Variants in PDE10A observed in about 807,000 individuals in gnomAD.
The protein encoded by PDE10A is cAMP and cAMP-inhibited cGMP 3',5'-cyclic phosphodiesterase 10A.
PDE10A carries 39 observed loss-of-function variants against 97.7 expected under a neutral mutation model. The observed-to-expected ratio is 0.40, with a 90% CI of 0.31 to 0.52. The LOEUF (loss-of-function observed/expected upper bound fraction) is 0.52. PDE10A is among the 20% of genes least tolerant of loss of function. The probability of loss-of-function intolerance (pLI) is 0.56; values close to 1 mark genes in which losing one functional copy is unlikely to be tolerated. For missense variants in PDE10A, 731 were observed against 1,047.8 expected, an observed-to-expected ratio of 0.70 and a Z score of 4.17; for synonymous variants, 371 against 376.8, an observed-to-expected ratio of 0.98 and a Z score of 0.18.
intron 1 of PDE10A, among the ~76,000 whole-genome samples, chr6:165,872,888 T>G (rs1363443461): frequency 1.3e-5 from 2 of 152,178 alleles, no homozygotes; most frequent in Non-Finnish European, 2.9e-5. Context: ...ACATCCCCAG[T>G]GAAACCTGGA....
Position 165,859,322 on chromosome 6 carries a change from C to T in PDE10A, c.-615+128207G>A, listed in dbSNP as rs1780837696. Among the ~76,000 whole-genome samples the T allele has an allele frequency of 2.6e-5, 4 of 152,168 alleles. No homozygotes were observed. The South Asian group carries it at 6.2e-4, about 24-fold the overall frequency. ...AAAAGTTTTGGTAAAATATACATAA[C>T]ACAAATTTACCATGAAGTACATTCA... is the stretch of plus-strand genomic sequence containing the variant. On this transcript the variant is annotated intron_variant, in intron 1 of 19. Transcript: ENST00000366882.
chr6:165,469,801 G>A (rs1412301816), intron 3 of PDE10A, among the ~76,000 whole-genome samples: 1 of 152,144 alleles, frequency 6.6e-6, no homozygotes, highest in Non-Finnish European at 1.5e-5. Context: ...ATCCTGTGTT[G>A]ATGATCAACA....
intron 1 of PDE10A, among the ~76,000 whole-genome samples, chr6:165,676,397 C>G (rs547915268): frequency 6.6e-6 from 1 of 152,286 alleles, no homozygotes; most frequent in African/African-American, 2.4e-5. Context: ...ACATTTTCAA[C>G]AGTAAGAAAT....
At chr6:165,896,521 ATTTT>A (rs35509574) in intron 1 of PDE10A, among the ~76,000 whole-genome samples, 5 of 105,782 alleles carry the variant, frequency 4.7e-5, no homozygotes, top group African/African-American at 1.9e-4. Context: ...ACGCCAGCTA[ATTTT>A]TTTTTTTTTT....
At chr6:165,804,186 A>G (rs1779053500) in intron 1 of PDE10A, among the ~76,000 whole-genome samples, 1 of 152,182 alleles carries the variant, frequency 6.6e-6, no homozygotes, top group Admixed American at 6.5e-5. Flanking sequence ...CATCATGGAA[A>G]TAGGTGTATT....
At chr6:165,938,796 G>A (rs1394370043) in intron 1 of PDE10A, among the ~76,000 whole-genome samples, 1 of 151,966 alleles carries the variant, frequency 6.6e-6, no homozygotes, top group Non-Finnish European at 1.5e-5. Context: ...CATATAACCA[G>A]GTCGATGACC....
In PDE10A at chr6:165,592,354, G is replaced by A. The variant is rs558596771; in HGVS notation, c.866-48786C>T. On this transcript the variant is annotated intron_variant, in intron 1 of 21. Coordinates refer to ENST00000539869, the MANE Select transcript of PDE10A (RefSeq NM_001385079.1). The stretch of plus-strand genomic sequence containing the variant: ...ACCTAAAACCATACAAACCCTAGAA[G>A]AAAACCTAGGCAATACCATTCAGGA... 7.2e-5 allele frequency among the ~76,000 whole-genome samples: 11 copies of A among 152,230 alleles called. No homozygotes were observed. In the South Asian group the frequency reaches 1.9e-3, roughly 26 times the overall value.
At chr6:165,738,998 C>T (rs762041180) in intron 1 of PDE10A, among the ~76,000 whole-genome samples, 34 of 152,112 alleles carry the variant, frequency 2.2e-4, no homozygotes, top group African/African-American at 8.2e-4. Context: ...GGAGAGGATA[C>T]AAATAAATGG....
intron 1 of PDE10A, among the ~76,000 whole-genome samples, chr6:165,855,425 G>C (rs940331710): frequency 1.3e-5 from 2 of 151,708 alleles, no homozygotes; most frequent in Non-Finnish European, 2.9e-5. Context: ...CATGGCCGGG[G>C]CTGCAGGGTG....
chr6:165,514,562 T>C (rs1002543730), intron 2 of PDE10A, among the ~76,000 whole-genome samples: 24 of 152,204 alleles, frequency 1.6e-4, no homozygotes, highest in Admixed American at 1.6e-3. Context: ...CACATGTGCA[T>C]ATCTTCAGCC....
chr6:165,958,729 AAG>A (rs1562327783), intron 1 of PDE10A, among the ~76,000 whole-genome samples: 2 of 14,758 alleles, frequency 1.4e-4, no homozygotes, highest in African/African-American at 6.2e-4. Flanking sequence ...GAAAGAAAGA[AAG>A]AAAGAAAGAA....
At chr6:165,752,330 G>A (rs1040217812) in intron 1 of PDE10A, among the ~76,000 whole-genome samples, 2 of 151,988 alleles carry the variant, frequency 1.3e-5, no homozygotes, top group Non-Finnish European at 2.9e-5. Flanking sequence ...ACCCTCTCAG[G>A]CTAAGCCCCA....
chr6:165,731,093 C>T (rs887638084), intron 1 of PDE10A, among the ~76,000 whole-genome samples: 5 of 152,174 alleles, frequency 3.3e-5, no homozygotes, highest in African/African-American at 1.2e-4. Flanking sequence ...AGAACCCACG[C>T]CCCATGCCGC....
chr6:165,944,244 C>G (rs1238927089), intron 1 of PDE10A, among the ~76,000 whole-genome samples: 1 of 152,192 alleles, frequency 6.6e-6, no homozygotes, highest in African/African-American at 2.4e-5. Flanking sequence ...GGTTCCTTCC[C>G]AGGACACATG....
chr6:165,679,150 G>GT (rs1188612324), intron 1 of PDE10A, among the ~76,000 whole-genome samples: 1 of 152,184 alleles, frequency 6.6e-6, no homozygotes, highest in African/African-American at 2.4e-5. Flanking sequence ...GATCATCTCA[G>GT]TTTATCTTCA....
At chr6:165,624,915 A>G (rs1324999168) in intron 1 of PDE10A, among the ~76,000 whole-genome samples, 1 of 152,218 alleles carries the variant, frequency 6.6e-6, no homozygotes, top group Non-Finnish European at 1.5e-5. Flanking sequence ...ACCCGTTGGT[A>G]GGGATACACT....
chr6:165,970,983 A>T (rs1784652755), intron 1 of PDE10A, among the ~76,000 whole-genome samples: 1 of 152,194 alleles, frequency 6.6e-6, no homozygotes, highest in South Asian at 2.1e-4. Flanking sequence ...CCCCGTCTCT[A>T]CTAAAAATAC....
chr6:165,613,383 T>C (rs1322571813), intron 1 of PDE10A, among the ~76,000 whole-genome samples: 1 of 152,188 alleles, frequency 6.6e-6, no homozygotes, highest in Non-Finnish European at 1.5e-5. Context: ...GCTCACCCTG[T>C]AATCCCAGCA....
chr6:165,387,739 T>C (rs1380732882), intron 17 of PDE10A, among the ~76,000 whole-genome samples: 1 of 152,208 alleles, frequency 6.6e-6, no homozygotes, highest in African/African-American at 2.4e-5. Flanking sequence ...AGGAATCAAG[T>C]CACTATGATG....
Sources: gnomAD v4.1 joint callset for allele counts (sites outside exome capture counted in the v4.1 genomes callset) on GRCh38, gnomAD v4.1.1 for gene constraint, MANE v1.5 for transcripts, NCBI Gene and HGNC (gene_info 2026-07-23, HGNC 2026-07-21) for gene names.